Variants in CDC123 observed in about 807,000 individuals in gnomAD.
The protein encoded by CDC123 is cell division cycle 123.
In CDC123, 37 loss-of-function variants were observed where a neutral mutation model predicts 54.4. The ratio of observed to expected loss-of-function variants is 0.68; its 90% CI spans 0.52 to 0.89. CDC123 has a LOEUF of 0.89. CDC123 is among the 40% of genes least tolerant of loss of function. The probability of loss-of-function intolerance (pLI) is 0.00; values close to 1 mark genes in which losing one functional copy is unlikely to be tolerated. For missense variants in CDC123, 361 were observed against 412.1 expected (o/e 0.88, Z 1.07); for synonymous variants, 144 against 136.8 (o/e 1.05, Z -0.37).
chr10:12,237,587 C>T (rs902010685), intron 9 of CDC123: 1 of 157,452 alleles, frequency 6.4e-6, no homozygotes, highest in Non-Finnish European at 1.4e-5. Flanking sequence ...GTGCACGTCA[C>T]CACACCCGGC....
At chr10:12,210,203 T>C in intron 3 of CDC123, 87 bp from the exon 4 acceptor site, 2 of 1,529,552 alleles carry the variant, frequency 1.3e-6, no homozygotes, top group Non-Finnish European at 1.8e-6. Context: ...CCTGTTTGAT[T>C]TATAATTTTT....
chr10:12,230,689 A>G (rs1835888423), intron 6 of CDC123, among the ~76,000 whole-genome samples: 2 of 152,226 alleles, frequency 1.3e-5, no homozygotes, highest in African/African-American at 4.8e-5. Flanking sequence ...ATACTAGACC[A>G]GCTATAGAAA....
chr10:12,243,491 T>C (rs986383978), intron 10 of CDC123, among the ~76,000 whole-genome samples: 2 of 151,758 alleles, frequency 1.3e-5, no homozygotes, highest in African/African-American at 4.8e-5. Context: ...TTACTGACTA[T>C]AAAAAGCCAA....
intron 4 of CDC123, 70 bp from the exon 5 acceptor site, chr10:12,215,670 A>G (rs2131740462): frequency 1.2e-6 from 1 of 828,724 alleles, no homozygotes; most frequent in South Asian, 2.3e-5. Flanking sequence ...TAACCTTGAG[A>G]TTTTGATCTT....
At chr10:12,211,973 G>A (rs561962349) in intron 4 of CDC123, among the ~76,000 whole-genome samples, 8 of 152,158 alleles carry the variant, frequency 5.3e-5, no homozygotes, top group Admixed American at 2.6e-4. Context: ...CTGTAATACC[G>A]GCTACTTGGG....
At chr10:12,220,680 C>T (rs764197735) in intron 6 of CDC123, among the ~76,000 whole-genome samples, 74 of 152,294 alleles carry the variant, frequency 4.9e-4, no homozygotes, top group Non-Finnish European at 8.2e-4. Context: ...CCTTGAAGAG[C>T]TCTTAAAAGA....
Position 12,238,470 on chromosome 10 carries a change from A to T in CDC123, c.702A>T (p.Ile234=), listed in dbSNP as rs781059221. 8.1e-6 allele frequency: 13 copies of T among 1,608,366 alleles called. No homozygotes were observed. Among genetic ancestry groups the T allele is most frequent in the Non-Finnish European group, 1.1e-5 (13 of 1,178,288 alleles). ...TCTCCTTTACAGTTGTGTTCGATAT[A>T]TACAGAGACAGTAGGGTAAGTAAAA... The part of the protein sequence containing the change: ...KFLDEDFVFD[I]YRDSRGKVWL... Residue 234 remains isoleucine (I), a synonymous_variant, in exon 10 of 13, where the codon ATA becomes ATT. Transcript: ENST00000281141.
chr10:12,239,716 A>G (rs1165529084), intron 10 of CDC123, among the ~76,000 whole-genome samples: 6 of 150,636 alleles, frequency 4.0e-5, no homozygotes, highest in African/African-American at 7.3e-5. Context: ...TTTTTAAAAA[A>G]AAAAAAAAGG....
intron 6 of CDC123, among the ~76,000 whole-genome samples, chr10:12,229,758 T>C (rs778342986): frequency 2.6e-5 from 4 of 152,256 alleles, no homozygotes; most frequent in Non-Finnish European, 5.9e-5. Context: ...ATAAGCGATA[T>C]GAAACATTGT....
Position 12,218,164 on chromosome 10 carries a change from A to G in CDC123, c.440+697A>G, listed in dbSNP as rs544335909. The stretch of plus-strand genomic sequence containing the variant: ...TATATTTCTAGAATTCTATCTATAG[A>G]TAAATATAATATAAATACATCTATC... On this transcript the variant is annotated intron_variant, in intron 6 of 12. Transcript: ENST00000281141. Among the ~76,000 whole-genome samples, 29 of 152,190 alleles carry G rather than the reference A, an allele frequency of 1.9e-4. No homozygotes were observed. In the South Asian group the frequency reaches 4.4e-3, roughly 23 times the overall value.
chr10:12,226,566 C>G (rs1170742723), intron 6 of CDC123, among the ~76,000 whole-genome samples: 2 of 151,376 alleles, frequency 1.3e-5, no homozygotes, highest in African/African-American at 4.9e-5. Flanking sequence ...AGACACTCCT[C>G]AGTTCCCAGA....
intron 6 of CDC123, among the ~76,000 whole-genome samples, chr10:12,228,249 C>G (rs915807573): frequency 1.3e-5 from 2 of 151,914 alleles, no homozygotes; most frequent in East Asian, 3.9e-4. Context: ...TTTTTATTGA[C>G]GTAAAATAAC....
intron 2 of CDC123, 82 bp from the exon 3 acceptor site, chr10:12,209,885 A>G: frequency 1.5e-6 from 2 of 1,337,120 alleles, no homozygotes; most frequent in Non-Finnish European, 2.1e-6. Context: ...CTATTTAAAA[A>G]CATATACTCA....
At chr10:12,242,249 G>A (rs1339207902) in intron 10 of CDC123, among the ~76,000 whole-genome samples, 2 of 152,160 alleles carry the variant, frequency 1.3e-5, no homozygotes, top group African/African-American at 2.4e-5. Flanking sequence ...GGGCATCTCT[G>A]TTATCCCTCA....
Position 12,199,014 on chromosome 10 carries a change from T to C in CDC123, c.146+238T>C, listed in dbSNP as rs553076588. 44 of 365,124 alleles carry C rather than the reference T, an allele frequency of 1.2e-4. No individual in the cohort carries two copies. The East Asian group carries it at 1.8e-3, about 15-fold the overall frequency. The allele number at this position is 365,124 out of a possible 1,614,324, so 22.6% of individuals were successfully genotyped here. A position where few individuals can be genotyped will look rare whatever the true frequency, so the allele number is the denominator to read the frequency against. ...GAGCAGTTCCTTTCATCTCTGTCTT[T>C]AGAAAACAGTTATGATGACAACTTT... is the stretch of plus-strand genomic sequence containing the variant. On this transcript the variant is annotated intron_variant, in intron 2 of 12. Transcript: ENST00000281141.
chr10:12,230,341 C>T (rs1835883540), intron 6 of CDC123, among the ~76,000 whole-genome samples: 1 of 152,002 alleles, frequency 6.6e-6, no homozygotes, highest in Non-Finnish European at 1.5e-5. Flanking sequence ...TTCAGGCGTC[C>T]ACCACCACAG....
chr10:12,243,970 A>G (rs1836094282), intron 10 of CDC123, among the ~76,000 whole-genome samples: 1 of 152,126 alleles, frequency 6.6e-6, no homozygotes, highest in Non-Finnish European at 1.5e-5. Flanking sequence ...GTGGGTGCCA[A>G]ATGGAGGTGA....
intron 7 of CDC123, among the ~76,000 whole-genome samples, chr10:12,234,353 G>A (rs145999654): frequency 0.016 from 2,449 of 152,342 alleles, 30 homozygotes; most frequent in Middle Eastern, 0.054. Flanking sequence ...GAGTAGCTGG[G>A]ATTACAGGCA....
intron 2 of CDC123, among the ~76,000 whole-genome samples, chr10:12,204,533 G>A (rs1835488217): frequency 6.6e-6 from 1 of 152,150 alleles, no homozygotes; most frequent in Non-Finnish European, 1.5e-5. Flanking sequence ...TGGGGAACAA[G>A]AGATGTTTTG....
Sources: gnomAD v4.1 joint callset for allele counts (sites outside exome capture counted in the v4.1 genomes callset) on GRCh38, gnomAD v4.1.1 for gene constraint, MANE v1.5 for transcripts, NCBI Gene and HGNC (gene_info 2026-07-23, HGNC 2026-07-21) for gene names.